The following PIGF variants were observed in gnomAD, a reference collection of about 807,000 sequenced individuals.
The protein encoded by PIGF is GPI ethanolamine phosphate transferase, stabilizing subunit.
In PIGF, 23 loss-of-function variants were observed where a neutral mutation model predicts 26.0. The ratio of observed to expected loss-of-function variants is 0.88; its 90% CI spans 0.64 to 1.25. PIGF has a LOEUF of 1.25. PIGF is among the 50% of genes most tolerant of loss of function. The pLI, the probability that PIGF is intolerant of heterozygous loss-of-function variation, is 0.00. For synonymous variants in PIGF, 93 were observed against 92.6 expected (o/e 1.00, Z -0.03); for missense variants, 278 against 249.9 (o/e 1.11, Z -0.76).
In PIGF at chr2:46,613,798, T is replaced by C; in HGVS notation, c.229-13A>G. ...AAAATCCAGTTACCTAAAAGAGAAA[T>C]GAATAACCTGAAGATTCAAGATAAT... On this transcript the variant is annotated splice_polypyrimidine_tract_variant and intron_variant, in intron 2 of 5. Transcript: ENST00000281382. 6.6e-7 allele frequency: 1 copy of C among 1,517,266 alleles called. No homozygotes were observed. Among genetic ancestry groups the C allele is most frequent in the South Asian group, 1.2e-5 (1 of 81,876 alleles). The allele number at this position is 1,517,266 out of a possible 1,614,324, so 94.0% of individuals were successfully genotyped here. A position where few individuals can be genotyped will look rare whatever the true frequency, so the allele number is the denominator to read the frequency against.
Position 46,617,022 on chromosome 2 carries a change from A to C in PIGF, c.-74T>G. 1.7e-6 allele frequency: 1 copy of C among 582,688 alleles called. No individual in the cohort carries two copies. Among genetic ancestry groups the C allele is most frequent in the Non-Finnish European group, 3.1e-6 (1 of 327,628 alleles). The allele number at this position is 582,688 out of a possible 1,614,324, so 36.1% of individuals were successfully genotyped here. On this transcript the variant is annotated 5_prime_UTR_variant, in exon 1 of 6. Transcript: ENST00000281382. ...CGGGGAACTACTGCCTCCTACCATC[A>C]GGTACGACGGGCGGCCCAGGCCCAC...
At chr2:46,592,183 C>A (rs1483458620) in intron 5 of PIGF, among the ~76,000 whole-genome samples, 2 of 152,048 alleles carry the variant, frequency 1.3e-5, no homozygotes, top group East Asian at 3.9e-4. Context: ...GAGAACCTGT[C>A]TTTTTTAAAA....
At chr2:46,590,287 A>C (rs933865770) in intron 5 of PIGF, among the ~76,000 whole-genome samples, 3 of 152,146 alleles carry the variant, frequency 2.0e-5, no homozygotes, top group Admixed American at 1.3e-4. Flanking sequence ...ATTGTTAACA[A>C]GCACTGAGGG....
Position 46,588,059 on chromosome 2 carries a change from T to C in PIGF, c.546+4416A>G. ...CACTTGGACTTTCTAGTGTATAAAA[T>C]GGGAGTAAAACCTACCTTGCACTAC... On this transcript the variant is annotated intron_variant, in intron 5 of 5. Coordinates refer to ENST00000281382, the MANE Select transcript of PIGF (RefSeq NM_002643.4). This position sits in a 1 kb window ranked among gnomAD's most constrained non-coding sequence, Gnocchi z 4.1. The C allele has an allele frequency of 1.3e-6, 2 of 1,544,140 alleles. No individual in the cohort carries two copies. The highest frequency in any genetic ancestry group is 1.7e-6 in the Non-Finnish European group (2 of 1,144,828).
Position 46,598,999 on chromosome 2 carries a change from C to T in PIGF, c.438-6416G>A, listed in dbSNP as rs144576446. 2.7e-3 allele frequency among the ~76,000 whole-genome samples: 405 copies of T among 152,214 alleles called. 13 individuals are homozygous for T. The South Asian group carries it at 0.046, about 17-fold the overall frequency. On this transcript the variant is annotated intron_variant, in intron 4 of 5. Transcript: ENST00000281382. The stretch of plus-strand genomic sequence containing the variant: ...CCAAAATGTCAGTACCATTTTCCCT[C>T]GAAAGAAATATTTCAATATTCTGCC...
intron 4 of PIGF, among the ~76,000 whole-genome samples, chr2:46,609,639 T>C (rs775102965): frequency 2.2e-4 from 33 of 152,066 alleles, no homozygotes; most frequent in Admixed American, 6.5e-4. Flanking sequence ...GACCATAGTA[T>C]GGTTATTAAC....
intron 4 of PIGF, among the ~76,000 whole-genome samples, chr2:46,605,127 T>C (rs2104117193): frequency 6.6e-6 from 1 of 152,212 alleles, no homozygotes; most frequent in Admixed American, 6.5e-5. Context: ...CATAGATCTT[T>C]GAGTTTTTAA....
chr2:46,599,962 A>G (rs901214453), intron 4 of PIGF, among the ~76,000 whole-genome samples: 4 of 152,204 alleles, frequency 2.6e-5, no homozygotes, highest in Admixed American at 6.5e-5. Flanking sequence ...TTATTTTCTA[A>G]TAAGTTTTCT....
At chr2:46,592,829 T>C (rs1669762884) in intron 4 of PIGF, among the ~76,000 whole-genome samples, 1 of 152,216 alleles carries the variant, frequency 6.6e-6, no homozygotes, top group East Asian at 1.9e-4. Context: ...AGAGCATTTG[T>C]AGAAACAGCT....
At chr2:46,592,437 A>ATTGT in intron 5 of PIGF, 38 bp downstream of exon 5, 1 of 1,026,552 alleles carries the variant, frequency 9.7e-7, no homozygotes, top group South Asian at 1.3e-5. Context: ...ATCATTGTAC[A>ATTGT]AACATTTATT....
At position 46,581,161 on chromosome 2, in the gene PIGF, T is replaced by G; in HGVS notation, c.*317A>C. The G allele has an allele frequency of 8.3e-7, 1 of 1,203,744 alleles. No individual in the cohort carries two copies. Among genetic ancestry groups the G allele is most frequent in the Non-Finnish European group, 1.2e-6 (1 of 867,284 alleles). 74.6% of individuals were successfully genotyped at this position (1,203,744 alleles called of 1,614,324 possible). The stretch of plus-strand genomic sequence containing the variant: ...AAATGCTACAGCTATACCCAGACCT[T>G]TTATAGGTAATGAAGCAGTTCAAAA... On this transcript the variant is annotated 3_prime_UTR_variant, in exon 6 of 6. Coordinates refer to ENST00000281382, the MANE Select transcript of PIGF (RefSeq NM_002643.4).
intron 4 of PIGF, among the ~76,000 whole-genome samples, chr2:46,593,833 G>C (rs568746988): frequency 2.2e-4 from 34 of 152,340 alleles, no homozygotes; most frequent in African/African-American, 7.9e-4. Context: ...ACTAGAAACA[G>C]GCCAATTATT....
intron 4 of PIGF, among the ~76,000 whole-genome samples, chr2:46,607,700 C>CT (rs1217960741): frequency 6.5e-4 from 93 of 142,656 alleles, no homozygotes; most frequent in Non-Finnish European, 6.7e-4. Context: ...AATTTCTTTT[C>CT]TTTTTTTTTT....
intron 5 of PIGF, among the ~76,000 whole-genome samples, chr2:46,586,345 G>A (rs1371658878): frequency 6.6e-6 from 1 of 152,124 alleles, no homozygotes; most frequent in Non-Finnish European, 1.5e-5. Flanking sequence ...TATTTGTGGA[G>A]CCCCTACCTT....
chr2:46,591,980 T>C (rs569416405), intron 5 of PIGF: 2 of 1,300,072 alleles, frequency 1.5e-6, no homozygotes, highest in East Asian at 5.5e-5. Context: ...TCAGAAAATA[T>C]GAATATAAGA....
intron 4 of PIGF, among the ~76,000 whole-genome samples, chr2:46,609,261 T>A (rs1223418284): frequency 6.6e-6 from 1 of 152,236 alleles, no homozygotes; most frequent in East Asian, 1.9e-4. Context: ...TTCAAACTTT[T>A]CTTCTGTAAC....
intron 4 of PIGF, among the ~76,000 whole-genome samples, chr2:46,607,908 G>C (rs1383336849): frequency 6.6e-6 from 1 of 152,124 alleles, no homozygotes; most frequent in African/African-American, 2.4e-5. Context: ...ATGTTGGCCA[G>C]GCTGGTCTCA....
Position 46,612,334 on chromosome 2 carries a change from C to A in PIGF, c.331G>T (p.Glu111Ter). Residue 111 changes from glutamate (E) to a stop codon, truncating the protein, a stop_gained, in exon 4 of 6, where the codon GAA (glutamate) becomes TAA (stop). Coordinates refer to ENST00000281382, the MANE Select transcript of PIGF (RefSeq NM_002643.4). LOFTEE classifies it high-confidence loss of function. ...AAAATAACTGCAAATAAAAATGTTTCCAATGCCAACCTAGAAAAAAAAAAA... is the reference window on the plus strand; with the variant it reads ...AAAATAACTGCAAATAAAAATGTTTACAATGCCAACCTAGAAAAAAAAAAA... ...YGAPLIELAL[E>*]TFLFAVILST... 1 of 1,324,052 alleles carries A rather than the reference C, an allele frequency of 7.6e-7. No homozygotes were observed. The allele number at this position is 1,324,052 out of a possible 1,614,324, so 82.0% of individuals were successfully genotyped here.
Position 46,615,033 on chromosome 2 carries a change from C to G in PIGF, c.132G>C (p.Leu44Phe). The G allele has an allele frequency of 6.2e-7, 1 of 1,607,118 alleles. No homozygotes were observed. The highest frequency in any genetic ancestry group is 8.5e-7 in the Non-Finnish European group (1 of 1,173,738). ...FSILETHLTW[L>F]CICSGFVTAV... ...CAGTTACAAAACCAGAACAGATGCA[C>G]AACCATGTCAAGTGTGTTTCCAATA... is the stretch of plus-strand genomic sequence containing the variant. The change falls in exon 2 of 6, where the codon TTG becomes TTC. Residue 44 changes from leucine to phenylalanine, a missense_variant. Coordinates refer to ENST00000281382, the MANE Select transcript of PIGF (RefSeq NM_002643.4).
Sources: allele counts gnomAD v4.1 joint callset (sites outside exome capture counted in the v4.1 genomes callset), GRCh38; gene constraint gnomAD v4.1.1; non-coding constraint Gnocchi (gnomAD v3.1); transcripts MANE v1.5; gene names NCBI Gene and HGNC (gene_info 2026-07-23, HGNC 2026-07-21).